The following DPYD variants were observed in gnomAD, a reference collection of about 807,000 sequenced individuals.
DPYD encodes the protein dihydropyrimidine dehydrogenase, also known as dihydropyrimidine dehydrogenase [NADP(+)].
Under a neutral mutation model 116.2 loss-of-function variants are expected in DPYD, and 109 were observed. The observed-to-expected ratio is 0.94, with a 90% CI of 0.80 to 1.10. The LOEUF is 1.10. DPYD is among the 50% of genes least tolerant of loss of function. DPYD has a pLI of 0.00. For synonymous variants in DPYD, 440 were observed against 432.0 expected, an observed-to-expected ratio of 1.02 and a Z score of -0.23; for missense variants, 1,302 against 1,254.5, an observed-to-expected ratio of 1.04 and a Z score of -0.57.
intron 20 of DPYD, among the ~76,000 whole-genome samples, chr1:97,169,980 T>C (rs1355705851): frequency 6.6e-6 from 1 of 152,198 alleles, no homozygotes; most frequent in Non-Finnish European, 1.5e-5. Context: ...TAGATAAATA[T>C]TTAGATCATT....
At chr1:97,315,118 G>C (rs536029012) in intron 16 of DPYD, among the ~76,000 whole-genome samples, 1 of 152,004 alleles carries the variant, frequency 6.6e-6, no homozygotes, top group East Asian at 2.0e-4. Flanking sequence ...TTCTGAAAAC[G>C]TCTAAGAAAA....
chr1:97,165,886 A>G (rs1027856797), intron 20 of DPYD, among the ~76,000 whole-genome samples: 8 of 150,846 alleles, frequency 5.3e-5, no homozygotes, highest in East Asian at 2.0e-4. Flanking sequence ...ATCTCACATC[A>G]GTCAGAATGA....
At chr1:97,323,367 T>C (rs1046169728) in intron 16 of DPYD, among the ~76,000 whole-genome samples, 1 of 127,790 alleles carries the variant, frequency 7.8e-6, no homozygotes, top group Non-Finnish European at 1.6e-5. Flanking sequence ...TACACGTATG[T>C]ATACATGTGT....
chr1:97,251,110 T>C (rs1663054005), intron 18 of DPYD, among the ~76,000 whole-genome samples: 1 of 152,072 alleles, frequency 6.6e-6, no homozygotes, highest in Non-Finnish European at 1.5e-5. Flanking sequence ...AGAAAATGAA[T>C]CTGTGGCAGG....
chr1:97,440,655 C>T (rs1313207915), intron 14 of DPYD, among the ~76,000 whole-genome samples: 2 of 152,172 alleles, frequency 1.3e-5, no homozygotes, highest in South Asian at 2.1e-4. Flanking sequence ...TCCCAACTTT[C>T]GTACTATAGT....
chr1:97,387,821 G>T (rs1672439340), intron 14 of DPYD, among the ~76,000 whole-genome samples: 1 of 152,140 alleles, frequency 6.6e-6, no homozygotes, highest in Non-Finnish European at 1.5e-5. Flanking sequence ...GACAGGAATA[G>T]TATGAAAGAA....
At chr1:97,369,645 T>A (rs1487676781) in intron 16 of DPYD, among the ~76,000 whole-genome samples, 1 of 152,170 alleles carries the variant, frequency 6.6e-6, no homozygotes, top group Non-Finnish European at 1.5e-5. Context: ...CATATTTTAT[T>A]TTTCATGCTG....
chr1:97,391,959 A>G (rs1672728877), intron 14 of DPYD, among the ~76,000 whole-genome samples: 1 of 151,138 alleles, frequency 6.6e-6, no homozygotes, highest in South Asian at 2.1e-4. Flanking sequence ...TAAAGGAAAC[A>G]TGAAAATTGA....
chr1:97,091,715 T>C (rs150646834), intron 21 of DPYD, among the ~76,000 whole-genome samples: 6 of 152,274 alleles, frequency 3.9e-5, no homozygotes, highest in African/African-American at 9.6e-5. Context: ...CACACATATC[T>C]TTTCATTTAA....
chr1:97,546,472 G>A, intron 12 of DPYD: 2 of 1,604,200 alleles, frequency 1.2e-6, no homozygotes, highest in Non-Finnish European at 1.7e-6. Flanking sequence ...CAGAGACTCT[G>A]ATAGAGAGCA....
chr1:97,724,536 G>C (rs1454410328), intron 4 of DPYD, among the ~76,000 whole-genome samples: 2 of 151,520 alleles, frequency 1.3e-5, no homozygotes, highest in African/African-American at 2.4e-5. Context: ...TCCAAGAGTA[G>C]GGGAGAAAGC....
At position 97,515,706 on chromosome 1, in the gene DPYD, C is replaced by T. The variant is rs188837319; in HGVS notation, c.1740+20G>A. The T allele has an allele frequency of 2.6e-4, 409 of 1,603,900 alleles. No homozygotes were observed. In the African/African-American group the frequency reaches 4.9e-3, roughly 19 times the overall value. ...ATATATGATAGACATTTCTATATGA[C>T]TTCAATAATATTTTCTTACCTTATC... On this transcript the variant is annotated intron_variant, in intron 13 of 22. Coordinates refer to ENST00000370192, the MANE Select transcript of DPYD (RefSeq NM_000110.4).
At chr1:97,082,252 A>G in intron 22 of DPYD, 78 bp downstream of exon 22, 1 of 1,577,532 alleles carries the variant, frequency 6.3e-7, no homozygotes, top group African/African-American at 1.3e-5. Context: ...TTTCACACAT[A>G]GCAACAGAAA....
chr1:97,326,563 C>A (rs1021939219), intron 16 of DPYD, among the ~76,000 whole-genome samples: 1 of 151,272 alleles, frequency 6.6e-6, no homozygotes, highest in East Asian at 2.0e-4. Flanking sequence ...AGGAGAACAA[C>A]CAGGAAAAAT....
At chr1:97,624,564 C>T (rs111885692) in intron 8 of DPYD, among the ~76,000 whole-genome samples, 1 of 151,926 alleles carries the variant, frequency 6.6e-6, no homozygotes, top group South Asian at 2.1e-4. Flanking sequence ...GGCAGTTCCT[C>T]GAAAAACTGG....
intron 1 of DPYD, among the ~76,000 whole-genome samples, chr1:97,911,351 T>C (rs1673924776): frequency 1.3e-5 from 2 of 152,114 alleles, no homozygotes; most frequent in South Asian, 4.1e-4. Flanking sequence ...CAAATTTTTC[T>C]CTGCAAATGT....
At chr1:97,257,523 G>A (rs1444971663) in intron 18 of DPYD, among the ~76,000 whole-genome samples, 1 of 150,476 alleles carries the variant, frequency 6.6e-6, no homozygotes, top group Non-Finnish European at 1.5e-5. Context: ...TATATAGTGT[G>A]CATATGTATA....
chr1:97,783,362 G>C (rs956807559), intron 3 of DPYD, among the ~76,000 whole-genome samples: 1 of 151,920 alleles, frequency 6.6e-6, no homozygotes, highest in Non-Finnish European at 1.5e-5. Flanking sequence ...AAAGAATACA[G>C]CTTTGTTATT....
At chr1:97,739,757 GTACTA>G (rs1664158839) in intron 4 of DPYD, among the ~76,000 whole-genome samples, 1 of 151,716 alleles carries the variant, frequency 6.6e-6, no homozygotes, top group South Asian at 2.1e-4. Flanking sequence ...AAAACAATAG[GTACTA>G]TCAATTATTC....
Sources: allele counts gnomAD v4.1 joint callset (sites outside exome capture counted in the v4.1 genomes callset), GRCh38; gene constraint gnomAD v4.1.1; transcripts MANE v1.5; gene names NCBI Gene and HGNC (gene_info 2026-07-23, HGNC 2026-07-21).